The following TTC6 variants were observed in gnomAD, a reference collection of about 807,000 sequenced individuals.
TTC6 encodes the protein tetratricopeptide repeat protein 6.
A neutral mutation model predicts 210.4 loss-of-function variants in TTC6; 172 were observed. That is an observed-to-expected ratio of 0.82 (90% CI 0.72 to 0.93). The LOEUF is 0.93. Ranked by LOEUF, TTC6 falls within the 40% of genes least tolerant of loss-of-function variation. The pLI is 0.00. For missense variants in TTC6, 2,414 were observed against 2,318.1 expected (o/e 1.04, Z -0.85); for synonymous variants, 804 against 819.6 (o/e 0.98, Z 0.32).
chr14:37,669,222 G>A (rs1303070751), intron 1 of TTC6, among the ~76,000 whole-genome samples: 1 of 152,184 alleles, frequency 6.6e-6, no homozygotes, highest in East Asian at 1.9e-4. Flanking sequence ...AACCATGTTA[G>A]AGAACCAAAT....
chr14:37,777,566 T>C (rs2096041582), intron 14 of TTC6, among the ~76,000 whole-genome samples: 2 of 152,190 alleles, frequency 1.3e-5, no homozygotes, highest in Non-Finnish European at 2.9e-5. Flanking sequence ...CTCAATGATC[T>C]TTGTTCCTAT....
chr14:37,725,312 GTATATATATATA>G lies in TTC6; in HGVS notation c.1818+345_1818+356del, dbSNP rs1169644241. ...TATATGTATGTATGTGTGTGTGTGT[GTATATATATATA>G]TATATATATATATATATATATATAT... On this transcript the variant is annotated intron_variant, in intron 7 of 30. Transcript: ENST00000553443. Among the ~76,000 whole-genome samples the G allele has an allele frequency of 1.1e-3, 38 of 33,912 alleles. 1 individual carries two copies. The highest frequency in any genetic ancestry group is 6.7e-3 in the South Asian group (6 of 892). The allele number at this position is 33,912 out of a possible 152,430, so 22.2% of individuals were successfully genotyped here.
At chr14:37,837,379 G>A (rs867316879) in intron 29 of TTC6, 146 of 454,516 alleles carry the variant, frequency 3.2e-4, no homozygotes, top group African/African-American at 2.7e-3. Context: ...GAGAACTGGG[G>A]GTGCAACCTT....
At chr14:37,811,725 T>C (rs530102210) in intron 24 of TTC6, among the ~76,000 whole-genome samples, 2 of 152,314 alleles carry the variant, frequency 1.3e-5, no homozygotes, top group South Asian at 4.1e-4. Flanking sequence ...CTATGTGTCT[T>C]TTAAAAAATG....
intron 10 of TTC6, among the ~76,000 whole-genome samples, chr14:37,747,572 C>G (rs1335542422): frequency 2.0e-5 from 3 of 152,010 alleles, no homozygotes; most frequent in African/African-American, 7.3e-5. Context: ...TTGAGGAGAC[C>G]CTTCATGAGG....
At chr14:37,795,285 A>C in exon 18 of TTC6, 1 of 1,531,902 alleles carries the variant, frequency 6.5e-7, no homozygotes, top group Non-Finnish European at 8.7e-7. Context: ...TAAATTGAAA[A>C]AGGCAGTAAA....
At chr14:37,625,074 C>CA (rs1267758581) in intron 1 of TTC6, among the ~76,000 whole-genome samples, 1 of 152,108 alleles carries the variant, frequency 6.6e-6, no homozygotes, top group Non-Finnish European at 1.5e-5. Context: ...TTTTTGAGTG[C>CA]AGCCTGGATT....
chr14:37,682,691 C>A, intron 2 of TTC6, 67 bp from the exon 5 acceptor site: 1 of 1,301,524 alleles, frequency 7.7e-7, no homozygotes, highest in Non-Finnish European at 1.1e-6. Context: ...GAAACTGTTG[C>A]ATCACTGAAA....
At chr14:37,775,263 T>C (rs867343605) in intron 14 of TTC6, among the ~76,000 whole-genome samples, 2 of 152,324 alleles carry the variant, frequency 1.3e-5, no homozygotes, top group Middle Eastern at 3.4e-3. Context: ...ATTTCTTTTC[T>C]GCTATCTTTC....
intron 1 of TTC6, among the ~76,000 whole-genome samples, chr14:37,638,409 C>G (rs1044629287): frequency 5.9e-5 from 9 of 152,092 alleles, no homozygotes; most frequent in Admixed American, 1.3e-4. Flanking sequence ...GACCCACCAC[C>G]ATGCCCGGCT....
In TTC6 at chr14:37,761,964, A is replaced by G. The variant is rs574498225; in HGVS notation, c.3266+8729A>G. ...TCTAACTGAAACATTGTACTCTTTG[A>G]CCAACAATTCCCCATTTTTCATAAC... On this transcript the variant is annotated intron_variant, in intron 14 of 30. Coordinates refer to ENST00000553443, the Ensembl canonical transcript of TTC6. Among the ~76,000 whole-genome samples the G allele has an allele frequency of 3.3e-5, 5 of 152,256 alleles. No homozygotes were observed. The South Asian group carries it at 6.2e-4, about 19-fold the overall frequency.
At chr14:37,689,385 T>C (rs1452096650) in intron 3 of TTC6, among the ~76,000 whole-genome samples, 1 of 152,008 alleles carries the variant, frequency 6.6e-6, no homozygotes, top group Non-Finnish European at 1.5e-5. Flanking sequence ...GAGAAAGACA[T>C]AGAGGTAGAA....
At chr14:37,767,134 A>G (rs113590636) in intron 14 of TTC6, among the ~76,000 whole-genome samples, 3,638 of 152,222 alleles carry the variant, frequency 0.024, 148 homozygotes, top group African/African-American at 0.083. Flanking sequence ...AGAACTCATC[A>G]TTTTTTATGG....
chr14:37,603,088 GT>G (rs1462684473), intron 1 of TTC6, among the ~76,000 whole-genome samples: 2 of 152,138 alleles, frequency 1.3e-5, no homozygotes, highest in Non-Finnish European at 2.9e-5. Context: ...ATAAACCACT[GT>G]CCCAAGAGAT....
intron 2 of TTC6, among the ~76,000 whole-genome samples, chr14:37,681,690 T>C (rs1566884160): frequency 6.6e-6 from 1 of 152,090 alleles, no homozygotes; most frequent in African/African-American, 2.4e-5. Flanking sequence ...CTTGGACTTA[T>C]ACTAGTGGTT....
At chr14:37,740,162 CAA>C (rs71127237) in intron 10 of TTC6, among the ~76,000 whole-genome samples, 8 of 129,584 alleles carry the variant, frequency 6.2e-5, no homozygotes, top group Non-Finnish European at 9.6e-5. Flanking sequence ...GACTCCGTCT[CAA>C]AAAAAAAAAA....
At chr14:37,824,678 G>A (rs1238283378) in intron 27 of TTC6, among the ~76,000 whole-genome samples, 2 of 152,156 alleles carry the variant, frequency 1.3e-5, no homozygotes, top group Non-Finnish European at 2.9e-5. Context: ...CAAAGGAAAA[G>A]GATGAGTTTT....
At chr14:37,739,217 A>G in intron 10 of TTC6, 62 bp downstream of exon 12, 1 of 1,363,546 alleles carries the variant, frequency 7.3e-7, no homozygotes, top group Non-Finnish European at 9.7e-7. Context: ...CCTTAATTTT[A>G]TAATCTCACC....
At chr14:37,741,135 G>C (rs1340356684) in intron 10 of TTC6, among the ~76,000 whole-genome samples, 2 of 152,038 alleles carry the variant, frequency 1.3e-5, no homozygotes, top group Non-Finnish European at 2.9e-5. Context: ...TGTTAGTACA[G>C]CTTTCCTACC....
Sources: allele counts gnomAD v4.1 joint callset (sites outside exome capture counted in the v4.1 genomes callset), GRCh38; gene constraint gnomAD v4.1.1; transcripts MANE v1.5; gene names NCBI Gene and HGNC (gene_info 2026-07-23, HGNC 2026-07-21).